RERE: variants seen among roughly 807,000 people sequenced by gnomAD.
The protein encoded by RERE is arginine-glutamic acid dipeptide repeats protein.
RERE carries 40 observed loss-of-function variants against 146.1 expected under a neutral mutation model. The observed-to-expected ratio is 0.27, with a 90% CI of 0.21 to 0.36. RERE has a LOEUF of 0.36. Among genes scored for constraint, RERE ranks in the 10% least tolerant of loss-of-function variants. The probability of loss-of-function intolerance (pLI) is 1.00; values close to 1 mark genes in which losing one functional copy is unlikely to be tolerated. For synonymous variants in RERE, 1,003 were observed against 866.0 expected (o/e 1.16, Z -2.78); for missense variants, 1,933 against 2,138.7 (o/e 0.90, Z 1.90).
In RERE at chr1:8,355,593, G is replaced by C; in HGVS notation, c.4493C>G (p.Pro1498Arg). Residue 1498 changes from proline (P) to arginine (R), a missense_variant, in exon 22 of 23, where the codon CCC (proline) becomes CGC (arginine). Physicochemically the swap from Pro to Arg is moderately radical, Grantham distance 103 (BLOSUM62 -2). Coordinates refer to ENST00000400908, the MANE Select transcript of RERE (RefSeq NM_001042681.2). ...EMLRHPVFGT[P>R]YPRDLPGAIP... ...GGCCCCAGGCAGGTCACGGGGGTAG[G>C]GGGTGCCTGCCGAACACAAAACAAC... 1.3e-6 allele frequency: 2 copies of C among 1,576,004 alleles called. No homozygotes were observed. The highest frequency in any genetic ancestry group is 1.7e-6 in the Non-Finnish European group (2 of 1,158,002).
intron 1 of RERE, among the ~76,000 whole-genome samples, chr1:8,754,836 A>G (rs1640605590): frequency 6.6e-6 from 1 of 152,248 alleles, no homozygotes. Context: ...ATTGTTTTCC[A>G]TGATTAGTAG....
In RERE at chr1:8,354,369, CA is replaced by C. The variant is rs1641210595; in HGVS notation, c.*717del. 1 of 152,632 alleles carries C rather than the reference CA, an allele frequency of 6.6e-6. No homozygotes were observed. Among genetic ancestry groups the C allele is most frequent in the South Asian group, 2.1e-4 (1 of 4,826 alleles). 9.5% of individuals were successfully genotyped at this position (152,632 alleles called of 1,614,324 possible). ...CCAGGCCTCGGTCCAAGCCTCTGTC[CA>C]TGTGGAACGCCCCTTTGCTCCCTTT... On this transcript the variant is annotated 3_prime_UTR_variant, in exon 23 of 23. Transcript: ENST00000400908.
Position 8,801,907 on chromosome 1 carries a change from C to A in RERE, c.-145+15253G>T, listed in dbSNP as rs538336517. On this transcript the variant is annotated intron_variant, in intron 1 of 22. Transcript: ENST00000400908. Reference sequence around the variant, plus strand: ...GGGAAAAGTGAAGTTTACATCCATACAGCGTCCGATTATGCAGTTGTTTTC... The same window carrying A: ...GGGAAAAGTGAAGTTTACATCCATAAAGCGTCCGATTATGCAGTTGTTTTC... 2.5e-3 allele frequency among the ~76,000 whole-genome samples: 388 copies of A among 152,290 alleles called. 3 individuals are homozygous for A. The highest frequency in any genetic ancestry group is 8.9e-3 in the African/African-American group (368 of 41,562).
chr1:8,669,024 C>CTGTGTGTGTGTGTGTGTGTG (rs59647434), intron 1 of RERE, among the ~76,000 whole-genome samples: 31 of 43,832 alleles, frequency 7.1e-4, no homozygotes, highest in African/African-American at 9.8e-4. Context: ...GCACTCAACT[C>CTGTGTGTGTGTGTGTGTGTG]TGTGTGTGTG....
At chr1:8,816,724 G>T (rs371155602) in intron 1 of RERE, among the ~76,000 whole-genome samples, 6 of 152,032 alleles carry the variant, frequency 3.9e-5, no homozygotes, top group African/African-American at 9.7e-5. Context: ...CTAGAGATTG[G>T]GAGCACAAAG....
chr1:8,517,475 C>T (rs1004327956), intron 7 of RERE, among the ~76,000 whole-genome samples: 2 of 151,986 alleles, frequency 1.3e-5, no homozygotes, highest in East Asian at 1.9e-4. Flanking sequence ...TTACAAAAAC[C>T]GAATTAAGAA....
At chr1:8,601,381 C>A (rs185058606) in intron 4 of RERE, among the ~76,000 whole-genome samples, 78 of 152,138 alleles carry the variant, frequency 5.1e-4, no homozygotes, top group Admixed American at 1.2e-3. Flanking sequence ...GTTCCCCAAT[C>A]CAGTTACACT....
At chr1:8,533,436 C>T (rs765063115) in intron 7 of RERE, among the ~76,000 whole-genome samples, 22 of 152,278 alleles carry the variant, frequency 1.4e-4, no homozygotes, top group Middle Eastern at 3.4e-3. Context: ...ATATTTCTGA[C>T]GGTGAGCTTG....
intron 11 of RERE, chr1:8,429,964 TG>T (rs1328496028): frequency 1.3e-5 from 2 of 152,054 alleles, no homozygotes; most frequent in Non-Finnish European, 2.9e-5. Flanking sequence ...ATGTCCTAAA[TG>T]TTAAATGGTA....
At chr1:8,724,407 A>G (rs1205455910) in intron 1 of RERE, among the ~76,000 whole-genome samples, 5 of 152,234 alleles carry the variant, frequency 3.3e-5, no homozygotes, top group Admixed American at 6.5e-5. Flanking sequence ...AATACTGTCT[A>G]TATCAATGTT....
intron 1 of RERE, among the ~76,000 whole-genome samples, chr1:8,804,836 T>C (rs143263028): frequency 6.6e-6 from 1 of 152,308 alleles, no homozygotes; most frequent in Non-Finnish European, 1.5e-5. Flanking sequence ...GTCTATGAGA[T>C]ACATGAAAGA....
chr1:8,749,626 A>T (rs891867809), intron 1 of RERE, among the ~76,000 whole-genome samples: 3 of 152,224 alleles, frequency 2.0e-5, no homozygotes, highest in African/African-American at 7.2e-5. Context: ...TTAGTTCCTA[A>T]AACAACAGAA....
chr1:8,614,578 C>T lies in RERE; in HGVS notation c.505G>A (p.Gly169Arg), dbSNP rs749986387. ...SQPPQHLSEA[G>R]RGPVGSKRDH... ...CTCCTTACCCCTACAGGCCCTCTCCCGGCTTCAGAAAGATGCTGTGGTGGC... is the reference window on the plus strand; with the variant it reads ...CTCCTTACCCCTACAGGCCCTCTCCTGGCTTCAGAAAGATGCTGTGGTGGC... The change falls in exon 4 of 23, where the codon GGG (glycine) becomes AGG (arginine). Residue 169 changes from glycine (G) to arginine (R), a missense_variant. Physicochemically the swap from Gly to Arg is moderately radical, Grantham distance 125. Coordinates refer to ENST00000400908, the MANE Select transcript of RERE (RefSeq NM_001042681.2). 8.1e-6 allele frequency: 13 copies of T among 1,612,816 alleles called. No individual in the cohort carries two copies. The highest frequency in any genetic ancestry group is 5.5e-5 in the South Asian group (5 of 90,896).
At chr1:8,756,933 T>C (rs1175646447) in intron 1 of RERE, among the ~76,000 whole-genome samples, 1 of 151,804 alleles carries the variant, frequency 6.6e-6, no homozygotes, top group Non-Finnish European at 1.5e-5. Flanking sequence ...CTCTACTAAA[T>C]ACAAAAAATT....
chr1:8,489,195 C>T (rs376253570), intron 10 of RERE, among the ~76,000 whole-genome samples: 50 of 151,472 alleles, frequency 3.3e-4, no homozygotes, highest in African/African-American at 1.2e-3. Flanking sequence ...AACAAACAAA[C>T]AAACAAAAAC....
chr1:8,763,035 A>G (rs1640784258), intron 1 of RERE, among the ~76,000 whole-genome samples: 1 of 152,168 alleles, frequency 6.6e-6, no homozygotes, highest in South Asian at 2.1e-4. Flanking sequence ...CTTAAAAAAG[A>G]AAACAGTGAC....
At chr1:8,613,201 C>T (rs891625823) in intron 4 of RERE, among the ~76,000 whole-genome samples, 4 of 152,186 alleles carry the variant, frequency 2.6e-5, no homozygotes, top group African/African-American at 7.2e-5. Context: ...TGCAAGATGG[C>T]TTGCCTAGAG....
chr1:8,707,468 T>C (rs1411575528), intron 1 of RERE, among the ~76,000 whole-genome samples: 3 of 152,130 alleles, frequency 2.0e-5, no homozygotes, highest in South Asian at 2.1e-4. Context: ...GGAAGAATCA[T>C]AACCATATCT....
At chr1:8,781,406 C>T (rs930703917) in intron 1 of RERE, among the ~76,000 whole-genome samples, 6 of 151,456 alleles carry the variant, frequency 4.0e-5, no homozygotes, top group Non-Finnish European at 5.9e-5. Context: ...TGGTGGCACA[C>T]GCCTGTGTCC....
Sources: allele counts gnomAD v4.1 joint callset (sites outside exome capture counted in the v4.1 genomes callset), GRCh38; gene constraint gnomAD v4.1.1; transcripts MANE v1.5; gene names NCBI Gene and HGNC (gene_info 2026-07-23, HGNC 2026-07-21).